NOTUM: variants seen among roughly 807,000 people sequenced by gnomAD.
NOTUM encodes the protein notum, palmitoleoyl-protein carboxylesterase.
A neutral mutation model predicts 65.5 loss-of-function variants in NOTUM; 36 were observed. That is an observed-to-expected ratio of 0.55 (90% CI 0.42 to 0.73). The LOEUF (loss-of-function observed/expected upper bound fraction) is 0.73. NOTUM is among the 30% of genes least tolerant of loss of function. NOTUM has a pLI of 0.00. For missense variants in NOTUM, 659 were observed against 694.2 expected (o/e 0.95, Z 0.57); for synonymous variants, 356 against 297.9 (o/e 1.20, Z -2.01).
intron 9 of NOTUM, 149 bp from the exon 10 acceptor site, chr17:81,954,452 G>C (rs937894449): frequency 6.5e-6 from 4 of 612,006 alleles, no homozygotes; most frequent in Admixed American, 5.4e-5. Context: ...CCTCCCCCTA[G>C]TTGGCCAGCT....
chr17:81,960,601 G>A lies in NOTUM; in HGVS notation c.309C>T (p.Asp103=), dbSNP rs1222725977. The A allele has an allele frequency of 1.3e-6, 2 of 1,508,934 alleles. No individual in the cohort carries two copies. Among genetic ancestry groups the A allele is most frequent in the African/African-American group, 1.4e-5 (1 of 71,670 alleles). The allele number at this position is 1,508,934 out of a possible 1,614,324, so 93.5% of individuals were successfully genotyped here. Residue 103 remains aspartate, a synonymous_variant, in exon 1 of 11, where the codon GAC becomes GAT. Coordinates refer to ENST00000409678, the MANE Select transcript of NOTUM (RefSeq NM_178493.6). This position sits in a 1 kb window ranked among gnomAD's most constrained non-coding sequence, Gnocchi z 6.4. ...LLLNTSVTCN[D]GSPAGYYLKE... ...GCGGGCCTTACCCGGCGGGGCTGCCGTCGTTGCAGGTCACCGAGGTGTTGA... is the reference window on the plus strand; with the variant it reads ...GCGGGCCTTACCCGGCGGGGCTGCCATCGTTGCAGGTCACCGAGGTGTTGA...
intron 8 of NOTUM, among the ~76,000 whole-genome samples, chr17:81,956,013 A>C (rs945798403): frequency 6.6e-6 from 1 of 152,032 alleles, no homozygotes; most frequent in Non-Finnish European, 1.5e-5. Context: ...AACTCTCCCC[A>C]GGGGTGTCAG....
chr17:81,959,736 AC>A, intron 1 of NOTUM, 44 bp from the exon 2 acceptor site: 1 of 1,192,172 alleles, frequency 8.4e-7, no homozygotes, highest in Non-Finnish European at 1.1e-6. Flanking sequence ...AGGGCTGCCG[AC>A]CCGCCGCGCC....
intron 10 of NOTUM, among the ~76,000 whole-genome samples, chr17:81,953,476 C>T (rs1215280166): frequency 1.3e-5 from 2 of 148,486 alleles, no homozygotes; most frequent in Admixed American, 1.3e-4. Flanking sequence ...TTTGTATTTT[C>T]AGTAGAGATG....
rs1185643586 is a variant in NOTUM at position 81,961,047 on chromosome 17, G to C, written c.-138C>G. ...TCCCTCGCCCCCGCTCCCGCCCGCC[G>C]GGCCTGGCGGAGAAGGCGCGCGCGG... On this transcript the variant is annotated 5_prime_UTR_variant, in exon 1 of 11. Transcript: ENST00000409678. 3.6e-6 allele frequency: 1 copy of C among 279,582 alleles called. No homozygotes were observed. Among genetic ancestry groups the C allele is most frequent in the South Asian group, 1.3e-4 (1 of 7,814 alleles). 17.3% of individuals were successfully genotyped at this position (279,582 alleles called of 1,614,324 possible).
intron 8 of NOTUM, among the ~76,000 whole-genome samples, chr17:81,956,381 G>A (rs34381102): frequency 0.46 from 69,569 of 151,884 alleles, 16,703 homozygotes; most frequent in Non-Finnish European, 0.53. Context: ...TGGGACTGAG[G>A]GGTGTCAGTG....
Position 81,955,552 on chromosome 17 carries a change from C to T in NOTUM, c.989-8G>A, listed in dbSNP as rs370922734. The T allele has an allele frequency of 3.7e-6, 6 of 1,606,380 alleles. No individual in the cohort carries two copies. The highest frequency in any genetic ancestry group is 2.7e-5 in the African/African-American group (2 of 74,682). The stretch of plus-strand genomic sequence containing the variant: ...GCACCACGAACACAGGGCCTGCGGG[C>T]GGCGGGGCTCAGTTCGGCCTCCCCT... On this transcript the variant is annotated splice_polypyrimidine_tract_variant and splice_region_variant and intron_variant, in intron 8 of 10. Transcript: ENST00000409678.
Position 81,957,221 on chromosome 17 carries a change from G to A in NOTUM, c.696-147C>T, listed in dbSNP as rs1345491138. 7 of 686,398 alleles carry A rather than the reference G, an allele frequency of 1.0e-5. 1 individual carries two copies. Among genetic ancestry groups the A allele is most frequent in the Admixed American group, 8.8e-5 (3 of 34,272 alleles). The allele number at this position is 686,398 out of a possible 1,614,324, so 42.5% of individuals were successfully genotyped here. A position where few individuals can be genotyped will look rare whatever the true frequency, so the allele number is the denominator to read the frequency against. ...GATGCATTCTGCATTCTCTGTTCAC[G>A]TGCAAGACCCATGGCCGTCCCCTCC... On this transcript the variant is annotated intron_variant, in intron 6 of 10. Transcript: ENST00000409678.
rs368596733 is a variant in NOTUM at position 81,956,516 on chromosome 17, C to G, written c.988+134G>C. 4.6e-6 allele frequency: 3 copies of G among 651,704 alleles called. No individual in the cohort carries two copies. In the African/African-American group the frequency reaches 5.4e-5, roughly 12 times the overall value. The allele number at this position is 651,704 out of a possible 1,614,324, so 40.4% of individuals were successfully genotyped here. ...AGCCGGCCTCCTCCCTGGTACACAG[C>G]CGGACTCCTCCCTGGACCAGGGCCG... On this transcript the variant is annotated intron_variant, in intron 8 of 10. Transcript: ENST00000409678.
At chr17:81,955,320 TTTG>T (rs1468159465) in intron 9 of NOTUM, 74 bp downstream of exon 9, 62 of 1,314,844 alleles carry the variant, frequency 4.7e-5, no homozygotes, top group Non-Finnish European at 6.3e-5. Flanking sequence ...TTTTTCTTCT[TTTG>T]TTTTCTCAGG....
chr17:81,955,017 G>GTCTGCAC (rs1567937795), intron 9 of NOTUM, among the ~76,000 whole-genome samples: 1 of 150,442 alleles, frequency 6.6e-6, no homozygotes, highest in Non-Finnish European at 1.5e-5. Flanking sequence ...GTCTTACTCC[G>GTCTGCAC]TCACCCAGGC....
At position 81,960,626 on chromosome 17, in the gene NOTUM, A is replaced by G; in HGVS notation, c.284T>C (p.Leu95Pro). 2 of 1,543,338 alleles carry G rather than the reference A, an allele frequency of 1.3e-6. No individual in the cohort carries two copies. Among genetic ancestry groups the G allele is most frequent in the East Asian group, 4.8e-5 (2 of 41,448 alleles). The stretch of plus-strand genomic sequence containing the variant: ...GTCGTTGCAGGTCACCGAGGTGTTG[A>G]GTAGGAGGTGCAGGCGCAGGTCCTC... ...LNEDLRLHLLLNTSVTCNDGS... is the reference protein window; with the variant it reads ...LNEDLRLHLLPNTSVTCNDGS... Residue 95 changes from leucine to proline, a missense_variant, in exon 1 of 11, where the codon CTC (leucine) becomes CCC (proline). Physicochemically the swap from Leu to Pro is moderately conservative, Grantham distance 98. Coordinates refer to ENST00000409678, the MANE Select transcript of NOTUM (RefSeq NM_178493.6). The surrounding 1 kb of genome is among the most constrained non-coding windows in gnomAD (Gnocchi z 6.4).
rs548504601 is a variant in NOTUM at position 81,953,303 on chromosome 17, C to T, written c.1185-36G>A. ...AAACCGGGGGAGGGGGTCACATGTG[C>T]GGAGTGGCATCAACACTGAGGCAGC... On this transcript the variant is annotated intron_variant, in intron 10 of 10. Transcript: ENST00000409678. The T allele has an allele frequency of 6.3e-5, 92 of 1,452,712 alleles. No individual in the cohort carries two copies. In the Middle Eastern group the frequency reaches 1.4e-3, roughly 23 times the overall value. 90.0% of individuals were successfully genotyped at this position (1,452,712 alleles called of 1,614,324 possible). A position where few individuals can be genotyped will look rare whatever the true frequency, so the allele number is the denominator to read the frequency against.
chr17:81,957,742 C>G, intron 6 of NOTUM, 64 bp downstream of exon 6: 1 of 1,153,448 alleles, frequency 8.7e-7, no homozygotes, highest in Non-Finnish European at 1.3e-6. Context: ...CACCCCACAC[C>G]CCTTCCATGC....
At chr17:81,954,385 C>G in intron 9 of NOTUM, 82 bp from the exon 10 acceptor site, 2 of 989,978 alleles carry the variant, frequency 2.0e-6, no homozygotes, top group Non-Finnish European at 3.1e-6. Flanking sequence ...AGCTGTCCCC[C>G]GCCTGGCCAT....
intron 2 of NOTUM, 24 bp from the exon 3 acceptor site, chr17:81,959,590 GC>G (rs1598369455): frequency 6.5e-7 from 1 of 1,547,056 alleles, no homozygotes; most frequent in East Asian, 2.4e-5. Flanking sequence ...CGCCGCTCAG[GC>G]CCGCGCGCAC....
chr17:81,959,180 C>A, intron 3 of NOTUM, 185 bp from the exon 4 acceptor site: 1 of 627,592 alleles, frequency 1.6e-6, no homozygotes, highest in South Asian at 1.9e-5. Flanking sequence ...CCCCGGGAAG[C>A]CACCATGGCC....
intron 6 of NOTUM, among the ~76,000 whole-genome samples, chr17:81,957,332 C>G (rs1450527156): frequency 1.3e-5 from 2 of 152,214 alleles, no homozygotes; most frequent in African/African-American, 4.8e-5. Context: ...CTCTCTCTGT[C>G]TCTTTACCTC....
intron 4 of NOTUM, 100 bp downstream of exon 4, chr17:81,958,835 C>A: frequency 1.1e-6 from 1 of 896,022 alleles, no homozygotes. Flanking sequence ...ACAGGACCCC[C>A]AGGAAAGACC....
Sources: allele counts gnomAD v4.1 joint callset (sites outside exome capture counted in the v4.1 genomes callset), GRCh38; gene constraint gnomAD v4.1.1; non-coding constraint Gnocchi (gnomAD v3.1); transcripts MANE v1.5; gene names NCBI Gene and HGNC (gene_info 2026-07-23, HGNC 2026-07-21).